Variants in AGBL1 observed in about 807,000 individuals in gnomAD.
AGBL1 encodes AGBL carboxypeptidase 1, also known as cytosolic carboxypeptidase 4.
AGBL1 carries 130 observed loss-of-function variants against 118.9 expected under a neutral mutation model. The ratio of observed to expected loss-of-function variants is 1.09; its 90% confidence interval spans 0.95 to 1.26. The LOEUF (loss-of-function observed/expected upper bound fraction) is 1.26, where lower values mean the gene tolerates loss of function less well. Ranked by LOEUF, AGBL1 falls within the 50% of genes most tolerant of loss-of-function variation. AGBL1 has a pLI of 0.00. For synonymous variants in AGBL1, 555 were observed against 478.9 expected, an observed-to-expected ratio of 1.16 and a Z score of -2.08; for missense variants, 1,584 against 1,298.1, an observed-to-expected ratio of 1.22 and a Z score of -3.38.
chr15:86,182,182 G>C (rs2077561894), intron 5 of AGBL1, among the ~76,000 whole-genome samples: 1 of 152,064 alleles, frequency 6.6e-6, no homozygotes, highest in South Asian at 2.1e-4. Flanking sequence ...GTGGTAATGG[G>C]AGAGAAAGGC....
chr15:86,358,947 C>A (rs115525862), intron 17 of AGBL1, among the ~76,000 whole-genome samples: 184 of 151,664 alleles, frequency 1.2e-3, no homozygotes, highest in African/African-American at 4.2e-3. Flanking sequence ...GTATGATTTG[C>A]AAGTATTTTT....
At chr15:86,327,397 T>G (rs1157791153) in intron 17 of AGBL1, among the ~76,000 whole-genome samples, 1 of 152,350 alleles carries the variant, frequency 6.6e-6, no homozygotes, top group African/African-American at 2.4e-5. Context: ...TGTCCTTTAC[T>G]TAGGATGCTG....
intron 21 of AGBL1, among the ~76,000 whole-genome samples, chr15:86,566,701 G>A (rs759357709): frequency 6.6e-6 from 1 of 152,056 alleles, no homozygotes; most frequent in Non-Finnish European, 1.5e-5. Flanking sequence ...AATTGCCTCT[G>A]TATCAGGATA....
At chr15:86,402,609 G>A (rs972589126) in intron 18 of AGBL1, among the ~76,000 whole-genome samples, 2 of 152,132 alleles carry the variant, frequency 1.3e-5, no homozygotes, top group Non-Finnish European at 2.9e-5. Context: ...ACCAAAACCT[G>A]AACTTGGCAC....
intron 18 of AGBL1, among the ~76,000 whole-genome samples, chr15:86,490,932 T>A (rs1280773285): frequency 6.6e-6 from 1 of 152,156 alleles, no homozygotes. Context: ...GATGATTGTA[T>A]CACCAGCCTC....
chr15:86,827,470 C>CATATATATATAT (rs1167706343), intron 22 of AGBL1, among the ~76,000 whole-genome samples: 1 of 5,818 alleles, frequency 1.7e-4, no homozygotes. Context: ...TATATATATA[C>CATATATATATAT]ATATATATAT....
At position 86,615,493 on chromosome 15, in the gene AGBL1, A is replaced by C. The variant is rs1015770234; in HGVS notation, c.2995-58780A>C. Among the ~76,000 whole-genome samples the C allele has an allele frequency of 6.6e-6, 1 of 152,206 alleles. No homozygotes were observed. The highest frequency in any genetic ancestry group is 1.5e-5 in the Non-Finnish European group (1 of 68,032). On this transcript the variant is annotated intron_variant, in intron 21 of 22. Coordinates refer to ENST00000614907, the MANE Select transcript of AGBL1 (RefSeq NM_001386094.1). The surrounding 1 kb of genome is among the most constrained non-coding windows in gnomAD (Gnocchi z 4.3). The stretch of plus-strand genomic sequence containing the variant: ...AATAGGCAACACAAATTGCAGGAAC[A>C]GATGTAGAGGAAATGAAAAATATTC...
At chr15:86,831,128 A>G (rs1406213537) in intron 22 of AGBL1, among the ~76,000 whole-genome samples, 1 of 152,168 alleles carries the variant, frequency 6.6e-6, no homozygotes, top group Admixed American at 6.5e-5. Flanking sequence ...CCATGAGAAC[A>G]GCATGGGAAA....
rs557975554 is a variant in AGBL1 at position 86,210,175 on chromosome 15, A to G, written c.489-14739A>G. 8.1e-3 allele frequency among the ~76,000 whole-genome samples: 1,238 copies of G among 152,300 alleles called. 14 individuals are homozygous for G. The highest frequency in any genetic ancestry group is 0.028 in the African/African-American group (1,179 of 41,554). On this transcript the variant is annotated intron_variant, in intron 5 of 22. Transcript: ENST00000614907. The stretch of plus-strand genomic sequence containing the variant: ...TCTTCTGGCTTGTAGAGTTTCTGCC[A>G]GGAGATCCGCTGTTAGTCTGATGGG...
intron 21 of AGBL1, among the ~76,000 whole-genome samples, chr15:86,603,049 G>A (rs56061766): frequency 0.014 from 2,170 of 152,274 alleles, 61 homozygotes; most frequent in African/African-American, 0.05. Flanking sequence ...TCAGAAGAAA[G>A]CAATGATAGG....
At chr15:87,004,836 G>A (rs970987269) in intron 24 of AGBL1, among the ~76,000 whole-genome samples, 3 of 152,170 alleles carry the variant, frequency 2.0e-5, no homozygotes, top group Non-Finnish European at 4.4e-5. Flanking sequence ...GGTTCCGGTT[G>A]TTCCTTTCCA....
intron 21 of AGBL1, among the ~76,000 whole-genome samples, chr15:86,590,866 G>C (rs150320373): frequency 8.8e-4 from 134 of 152,284 alleles, no homozygotes; most frequent in African/African-American, 3.1e-3. Flanking sequence ...ATATATTCTG[G>C]TGTAAAACAC....
At chr15:86,314,547 G>A (rs752329862) in intron 17 of AGBL1, among the ~76,000 whole-genome samples, 11 of 152,136 alleles carry the variant, frequency 7.2e-5, no homozygotes, top group Non-Finnish European at 1.5e-4. Context: ...TCTATGGTGG[G>A]TCTCTTTGCA....
At chr15:86,827,428 TACAC>T (rs1162484959) in intron 22 of AGBL1, among the ~76,000 whole-genome samples, 5 of 7,426 alleles carry the variant, frequency 6.7e-4, no homozygotes, top group African/African-American at 8.8e-4. Flanking sequence ...TATATATATA[TACAC>T]ATATATATAT....
intron 8 of AGBL1, among the ~76,000 whole-genome samples, chr15:86,257,560 C>G (rs1214808793): frequency 6.6e-6 from 1 of 152,190 alleles, no homozygotes; most frequent in Non-Finnish European, 1.5e-5. Flanking sequence ...TTTTAAATAA[C>G]TTCCTCAATC....
At chr15:86,921,649 C>G (rs2080482985) in intron 23 of AGBL1, among the ~76,000 whole-genome samples, 1 of 152,114 alleles carries the variant, frequency 6.6e-6, no homozygotes, top group South Asian at 2.1e-4. Flanking sequence ...TCCCTACTCC[C>G]TCTTGATGAG....
chr15:86,349,873 C>T (rs1265428351), intron 17 of AGBL1, among the ~76,000 whole-genome samples: 1 of 152,200 alleles, frequency 6.6e-6, no homozygotes, highest in Admixed American at 6.5e-5. Context: ...TATCTTTGGG[C>T]AACTCACATG....
At chr15:86,308,298 G>C (rs982159981) in intron 17 of AGBL1, among the ~76,000 whole-genome samples, 1 of 152,118 alleles carries the variant, frequency 6.6e-6, no homozygotes, top group East Asian at 1.9e-4. Context: ...GGTTAAACAA[G>C]ATCATATGGG....
chr15:86,257,703 T>C (rs1214708447), intron 8 of AGBL1, among the ~76,000 whole-genome samples: 1 of 152,244 alleles, frequency 6.6e-6, no homozygotes, highest in African/African-American at 2.4e-5. Context: ...GTGGTATTCA[T>C]GTGTCATTTT....
Sources: allele counts gnomAD v4.1 joint callset (sites outside exome capture counted in the v4.1 genomes callset), GRCh38; gene constraint gnomAD v4.1.1; non-coding constraint Gnocchi (gnomAD v3.1); transcripts MANE v1.5; gene names NCBI Gene and HGNC (gene_info 2026-07-23, HGNC 2026-07-21).